The following MICU1 variants were observed in gnomAD, a reference collection of about 807,000 sequenced individuals.
MICU1 encodes the protein calcium uptake protein 1, mitochondrial.
MICU1 carries 45 observed loss-of-function variants against 56.8 expected under a neutral mutation model. That is an observed-to-expected ratio of 0.79 (90% CI 0.62 to 1.02). The LOEUF (loss-of-function observed/expected upper bound fraction) is 1.02. MICU1 is among the 50% of genes least tolerant of loss of function. MICU1 has a pLI of 0.00. For synonymous variants in MICU1, 186 were observed against 195.1 expected (o/e 0.95, Z 0.39); for missense variants, 504 against 587.1 (o/e 0.86, Z 1.46).
rs375870983 is a variant in MICU1, at chr10:72,420,219, C to T, written c.1071+3015G>A. Among the ~76,000 whole-genome samples the T allele has an allele frequency of 1.3e-3, 194 of 152,224 alleles. 3 individuals carry two copies. The South Asian group carries it at 0.038, about 30-fold the overall frequency. ...GGATTACAGGCATGCACCACCACGCCGGGCTAACTTTTTGTATTTTTAGTA... is the reference window on the plus strand; with the variant it reads ...GGATTACAGGCATGCACCACCACGCTGGGCTAACTTTTTGTATTTTTAGTA... On this transcript the variant is annotated intron_variant, in intron 9 of 11. Coordinates refer to ENST00000361114, the MANE Select transcript of MICU1 (RefSeq NM_001195518.2).
chr10:72,598,993 C>T (rs1841452343), intron 1 of MICU1, among the ~76,000 whole-genome samples: 1 of 152,146 alleles, frequency 6.6e-6, no homozygotes, highest in South Asian at 2.1e-4. Flanking sequence ...TATTAATACA[C>T]CCTAAAATGT....
rs144839538 is a variant in MICU1, at chr10:72,603,535, C to A, written c.-2+22475G>T. On this transcript the variant is annotated intron_variant, in intron 1 of 11. Transcript: ENST00000361114. Reference sequence around the variant, plus strand: ...AATACATCAGTCAATACATGTAAGTCGCCCAGGCACAGTAGCTCACACCTA... The same window carrying A: ...AATACATCAGTCAATACATGTAAGTAGCCCAGGCACAGTAGCTCACACCTA... Among the ~76,000 whole-genome samples, 187 of 152,010 alleles carry A rather than the reference C, an allele frequency of 1.2e-3. 1 individual carries two copies. The highest frequency in any genetic ancestry group is 4.1e-3 in the African/African-American group (168 of 41,472).
intron 9 of MICU1, among the ~76,000 whole-genome samples, chr10:72,413,969 A>G (rs1564853477): frequency 6.6e-6 from 1 of 152,224 alleles, no homozygotes; most frequent in Admixed American, 6.5e-5. Context: ...AATAAAGAAG[A>G]CAGACAATAA....
chr10:72,520,427 A>C (rs1867782929), intron 5 of MICU1, among the ~76,000 whole-genome samples: 1 of 152,192 alleles, frequency 6.6e-6, no homozygotes, highest in South Asian at 2.1e-4. Flanking sequence ...TAACAATGAA[A>C]TCAAAATGTT....
chr10:72,401,032 G>A (rs1272890050), intron 10 of MICU1, among the ~76,000 whole-genome samples: 1 of 152,044 alleles, frequency 6.6e-6, no homozygotes, highest in Admixed American at 6.6e-5. Flanking sequence ...CTACTCCTGG[G>A]CTCAAGAGAT....
chr10:72,620,420 A>G (rs1842077160), intron 1 of MICU1, among the ~76,000 whole-genome samples: 1 of 152,122 alleles, frequency 6.6e-6, no homozygotes, highest in African/African-American at 2.4e-5. Flanking sequence ...TCCTGACCTC[A>G]AGTGATTCTC....
chr10:72,406,315 G>A (rs1282959266), intron 10 of MICU1, among the ~76,000 whole-genome samples: 2 of 151,992 alleles, frequency 1.3e-5, no homozygotes, highest in Non-Finnish European at 1.5e-5. Context: ...TAAGACCACT[G>A]CTGAGAGAAA....
intron 9 of MICU1, among the ~76,000 whole-genome samples, chr10:72,412,084 T>TTA (rs1286085564): frequency 6.6e-6 from 1 of 152,238 alleles, no homozygotes; most frequent in Non-Finnish European, 1.5e-5. Context: ...AGCTTACTAT[T>TTA]TAGATAGGCC....
At chr10:72,607,844 T>C (rs1349289142) in intron 1 of MICU1, among the ~76,000 whole-genome samples, 1 of 151,888 alleles carries the variant, frequency 6.6e-6, no homozygotes, top group Non-Finnish European at 1.5e-5. Flanking sequence ...GACCCAACCA[T>C]TAACCTGTGG....
intron 8 of MICU1, among the ~76,000 whole-genome samples, chr10:72,439,778 G>C (rs1217339880): frequency 6.6e-6 from 1 of 152,130 alleles, no homozygotes; most frequent in Admixed American, 6.5e-5. Context: ...GCCAAATCAT[G>C]AGTGAACTCC....
rs796637616 is a variant in MICU1 at position 72,436,851 on chromosome 10, T to TAAGGTCAGAGAAAA, written c.934-13481_934-13480insTTTTCTCTGACCTT. On this transcript the variant is annotated intron_variant, in intron 8 of 11. Coordinates refer to ENST00000361114, the MANE Select transcript of MICU1 (RefSeq NM_001195518.2). ...AAATTAATGAAATAAAACAAAAAGA[T>TAAGGTCAGAGAAAA]AAGAGTAAAAAAACGAACAAAGCCT... Among the ~76,000 whole-genome samples, 424 of 149,880 alleles carry TAAGGTCAGAGAAAA rather than the reference T, an allele frequency of 2.8e-3. 3 individuals carry two copies. Among genetic ancestry groups the TAAGGTCAGAGAAAA allele is most frequent in the African/African-American group, 9.7e-3 (400 of 41,220 alleles).
chr10:72,598,644 T>C (rs1200308816), intron 1 of MICU1, among the ~76,000 whole-genome samples: 1 of 152,152 alleles, frequency 6.6e-6, no homozygotes, highest in Non-Finnish European at 1.5e-5. Flanking sequence ...CATTAATGTT[T>C]TCCTGAGATG....
chr10:72,533,170 G>GA (rs777699647), intron 5 of MICU1: 6 of 1,281,246 alleles, frequency 4.7e-6, no homozygotes, highest in Middle Eastern at 2.1e-4. Flanking sequence ...GGCCTGAAAG[G>GA]AAAAAACATG....
intron 10 of MICU1, among the ~76,000 whole-genome samples, chr10:72,388,201 C>CTGGT (rs1862955731): frequency 6.6e-6 from 1 of 152,228 alleles, no homozygotes; most frequent in African/African-American, 2.4e-5. Context: ...CAACAGAGCA[C>CTGGT]TGGTATACCA....
At chr10:72,516,744 T>G (rs1305655792) in intron 5 of MICU1, among the ~76,000 whole-genome samples, 2 of 152,212 alleles carry the variant, frequency 1.3e-5, no homozygotes, top group Non-Finnish European at 2.9e-5. Flanking sequence ...CAGATGGTTG[T>G]AGATGTGTAG....
intron 8 of MICU1, among the ~76,000 whole-genome samples, chr10:72,430,621 C>T (rs1239016175): frequency 6.6e-6 from 1 of 151,932 alleles, no homozygotes; most frequent in Non-Finnish European, 1.5e-5. Context: ...AGTGCAATGG[C>T]GTGATCTTGG....
intron 6 of MICU1, among the ~76,000 whole-genome samples, chr10:72,482,848 TA>T (rs1293682131): frequency 5.2e-4 from 77 of 148,414 alleles, no homozygotes; most frequent in Middle Eastern, 3.6e-3. Flanking sequence ...TATATATATA[TA>T]TATTTATTTA....
In MICU1 at chr10:72,609,016, T is replaced by C. The variant is rs548531081; in HGVS notation, c.-2+16994A>G. 7.1e-4 allele frequency among the ~76,000 whole-genome samples: 108 copies of C among 152,352 alleles called. 1 individual carries two copies. The highest frequency in any genetic ancestry group is 2.1e-3 in the South Asian group (10 of 4,834). Reference sequence around the variant, plus strand: ...CTCAATTAAGCTCTGTTAAATTTAATTTGTGTAAAGTGTTTTAACAGTATA... The same window carrying C: ...CTCAATTAAGCTCTGTTAAATTTAACTTGTGTAAAGTGTTTTAACAGTATA... On this transcript the variant is annotated intron_variant, in intron 1 of 11. Coordinates refer to ENST00000361114, the MANE Select transcript of MICU1 (RefSeq NM_001195518.2).
Position 72,367,384 on chromosome 10 carries a change from T to C in MICU1, c.*811A>G, listed in dbSNP as rs1430098877. 1.3e-5 allele frequency: 2 copies of C among 152,232 alleles called. No homozygotes were observed. The highest frequency in any genetic ancestry group is 1.9e-4 in the East Asian group (1 of 5,340). The allele number at this position is 152,232 out of a possible 1,614,324, so 9.4% of individuals were successfully genotyped here. ...GCAAATGGTTATAATTTAAGTGATA[T>C]TTACAATTGTTTAAGACAGAGGGCA... is the stretch of plus-strand genomic sequence containing the variant. On this transcript the variant is annotated 3_prime_UTR_variant, in exon 12 of 12. Coordinates refer to ENST00000361114, the MANE Select transcript of MICU1 (RefSeq NM_001195518.2).
Sources: gnomAD v4.1 joint callset for allele counts (sites outside exome capture counted in the v4.1 genomes callset) on GRCh38, gnomAD v4.1.1 for gene constraint, MANE v1.5 for transcripts, NCBI Gene and HGNC (gene_info 2026-07-23, HGNC 2026-07-21) for gene names.